The following PPP4R4 variants were observed in gnomAD, a reference collection of about 807,000 sequenced individuals.
PPP4R4 encodes the protein serine/threonine-protein phosphatase 4 regulatory subunit 4.
PPP4R4 carries 70 observed loss-of-function variants against 121.8 expected under a neutral mutation model. The ratio of observed to expected loss-of-function variants is 0.57; its 90% CI spans 0.47 to 0.70. The LOEUF (loss-of-function observed/expected upper bound fraction) is 0.70, where lower values mean the gene tolerates loss of function less well. PPP4R4 is among the 30% of genes least tolerant of loss of function. The pLI is 0.00. For synonymous variants in PPP4R4, 348 were observed against 355.7 expected (o/e 0.98, Z 0.24); for missense variants, 875 against 1,033.6 (o/e 0.85, Z 2.10).
intron 3 of PPP4R4, among the ~76,000 whole-genome samples, chr14:94,220,566 T>A (rs1430571692): frequency 6.6e-6 from 1 of 152,122 alleles, no homozygotes; most frequent in African/African-American, 2.4e-5. Context: ...AAGATCAATA[T>A]ACAAAAATCA....
intron 3 of PPP4R4, among the ~76,000 whole-genome samples, chr14:94,220,360 T>C (rs1293659008): frequency 2.0e-5 from 3 of 152,196 alleles, no homozygotes; most frequent in African/African-American, 7.2e-5. Context: ...AAGTGTCTGC[T>C]CTTAACCACT....
chr14:94,250,643 G>C (rs186007570), intron 15 of PPP4R4, among the ~76,000 whole-genome samples: 1 of 151,786 alleles, frequency 6.6e-6, no homozygotes, highest in East Asian at 1.9e-4. Context: ...ACAGAATCTG[G>C]GATTTTTCTT....
At chr14:94,265,234 G>A (rs1893977835) in intron 20 of PPP4R4, among the ~76,000 whole-genome samples, 153 bp from the exon 21 acceptor site, 1 of 152,196 alleles carries the variant, frequency 6.6e-6, no homozygotes, top group Admixed American at 6.5e-5. Context: ...AACAAAGATT[G>A]AAATATGTAA....
At chr14:94,264,315 A>AT (rs571169917) in intron 19 of PPP4R4, among the ~76,000 whole-genome samples, 2 of 151,674 alleles carry the variant, frequency 1.3e-5, no homozygotes, top group Admixed American at 6.6e-5. Context: ...TGCCTGGCTA[A>AT]TTTTTTTTAT....
At chr14:94,256,309 T>C (rs541927067) in intron 16 of PPP4R4, 151 bp from the exon 17 acceptor site, 2 of 573,314 alleles carry the variant, frequency 3.5e-6, no homozygotes, top group East Asian at 6.3e-5. Flanking sequence ...GCATCCAGAA[T>C]GATGAATGTT....
chr14:94,177,704 G>C (rs1031515312), intron 2 of PPP4R4, among the ~76,000 whole-genome samples: 4 of 152,088 alleles, frequency 2.6e-5, no homozygotes, highest in African/African-American at 7.2e-5. Context: ...CAGTGATAAG[G>C]CTTCTTTTTA....
chr14:94,224,932 A>G (rs1003115707), intron 3 of PPP4R4, among the ~76,000 whole-genome samples: 1 of 152,184 alleles, frequency 6.6e-6, no homozygotes, highest in Non-Finnish European at 1.5e-5. Context: ...GACATATATC[A>G]CAAGGGTTTT....
chr14:94,243,662 T>TA (rs1469571655), intron 11 of PPP4R4, among the ~76,000 whole-genome samples: 1 of 152,188 alleles, frequency 6.6e-6, no homozygotes, highest in Non-Finnish European at 1.5e-5. Context: ...GTGAGTTTGA[T>TA]AATCATTGAT....
chr14:94,260,316 C>T (rs1426837295), intron 19 of PPP4R4, among the ~76,000 whole-genome samples: 1 of 151,984 alleles, frequency 6.6e-6, no homozygotes, highest in African/African-American at 2.4e-5. Context: ...GTCCCAGCTA[C>T]TCAGGAGGCC....
At chr14:94,235,945 A>T (rs1004869493) in intron 7 of PPP4R4, among the ~76,000 whole-genome samples, 2 of 152,202 alleles carry the variant, frequency 1.3e-5, no homozygotes, top group African/African-American at 4.8e-5. Context: ...TGCACAAGCT[A>T]GGACAATCAG....
intron 2 of PPP4R4, among the ~76,000 whole-genome samples, chr14:94,196,909 T>G (rs1179740489): frequency 6.6e-6 from 1 of 152,166 alleles, no homozygotes; most frequent in Non-Finnish European, 1.5e-5. Flanking sequence ...TGCTCCTTAT[T>G]CTCTCTTTAA....
At chr14:94,225,709 G>T (rs73342897) in intron 3 of PPP4R4, among the ~76,000 whole-genome samples, 4,686 of 152,210 alleles carry the variant, frequency 0.031, 196 homozygotes, top group African/African-American at 0.09. Flanking sequence ...CCTTATCTTT[G>T]ACTTCTTTCC....
rs376803673 is a variant in PPP4R4, at chr14:94,276,108, A to G, written c.2597+587A>G. Among the ~76,000 whole-genome samples, 8 of 152,356 alleles carry G rather than the reference A, an allele frequency of 5.3e-5. No homozygotes were observed. In the East Asian group the frequency reaches 5.8e-4, roughly 11 times the overall value. On this transcript the variant is annotated intron_variant, in intron 24 of 24. Coordinates refer to ENST00000304338, the MANE Select transcript of PPP4R4 (RefSeq NM_058237.2). Reference sequence around the variant, plus strand: ...TAAATATTTAAGAGAGGGGTACCATAAAAATCACCATGATAAGAGACTATA... The same window carrying G: ...TAAATATTTAAGAGAGGGGTACCATGAAAATCACCATGATAAGAGACTATA...
At chr14:94,254,615 G>A (rs1376164741) in intron 16 of PPP4R4, among the ~76,000 whole-genome samples, 3 of 151,888 alleles carry the variant, frequency 2.0e-5, no homozygotes, top group African/African-American at 4.8e-5. Context: ...AAAGTGTTCT[G>A]GAAACTCTAA....
intron 2 of PPP4R4, among the ~76,000 whole-genome samples, chr14:94,201,470 G>C (rs1033109081): frequency 1.1e-4 from 17 of 152,112 alleles, no homozygotes; most frequent in Non-Finnish European, 1.9e-4. Flanking sequence ...AGGTCTAGTA[G>C]TAATTGTTTT....
At chr14:94,246,215 A>G (rs765269134) in intron 13 of PPP4R4, 142 bp from the exon 14 acceptor site, 2 of 632,978 alleles carry the variant, frequency 3.2e-6, no homozygotes, top group Non-Finnish European at 4.9e-6. Context: ...CCAGATAATT[A>G]TCTCCTTGTG....
At chr14:94,221,532 A>C (rs1335036100) in intron 3 of PPP4R4, among the ~76,000 whole-genome samples, 2 of 152,118 alleles carry the variant, frequency 1.3e-5, no homozygotes, top group African/African-American at 2.4e-5. Context: ...AATATGGAAA[A>C]ATTTTTAAGA....
chr14:94,250,017 A>G (rs1893093711), intron 14 of PPP4R4, among the ~76,000 whole-genome samples, 155 bp from the exon 15 acceptor site: 1 of 152,064 alleles, frequency 6.6e-6, no homozygotes, highest in Non-Finnish European at 1.5e-5. Flanking sequence ...TTAACATTAA[A>G]TTATGAAGAT....
chr14:94,198,371 T>TA (rs1889995463), intron 2 of PPP4R4, among the ~76,000 whole-genome samples: 1 of 152,230 alleles, frequency 6.6e-6, no homozygotes, highest in Non-Finnish European at 1.5e-5. Flanking sequence ...GTCTGCTTTT[T>TA]ATTGGATGTT....
Sources: allele counts gnomAD v4.1 joint callset (sites outside exome capture counted in the v4.1 genomes callset), GRCh38; gene constraint gnomAD v4.1.1; transcripts MANE v1.5; gene names NCBI Gene and HGNC (gene_info 2026-07-23, HGNC 2026-07-21).